TEX11: variants seen among roughly 807,000 people sequenced by gnomAD.
The protein encoded by TEX11 is testis expressed 11.
Under a neutral mutation model 84.4 loss-of-function variants are expected in TEX11, and 7 were observed. The ratio of observed to expected loss-of-function variants is 0.08; its 90% CI spans 0.05 to 0.16. The LOEUF (loss-of-function observed/expected upper bound fraction) is 0.16. Ranked by LOEUF, TEX11 falls within the 10% of genes least tolerant of loss-of-function variation. The pLI is 1.00. For synonymous variants in TEX11, 264 were observed against 222.8 expected (o/e 1.18, Z -1.64); for missense variants, 551 against 660.5 (o/e 0.83, Z 1.82).
intron 16 of TEX11, among the ~76,000 whole-genome samples, chrX:70,662,734 T>TA (rs2089941487): frequency 9.0e-6 from 1 of 110,906 alleles, no homozygotes; most frequent in South Asian, 3.8e-4. Flanking sequence ...GAAGCCAGAT[T>TA]TAAAAAAAAG....
chrX:70,775,034 A>C (rs1187283818), intron 9 of TEX11, among the ~76,000 whole-genome samples: 2 of 112,006 alleles, frequency 1.8e-5, no homozygotes, highest in East Asian at 5.6e-4. Context: ...CAGATAATCC[A>C]GAAATAACTC....
At chrX:70,648,391 C>T (rs995638175) in intron 17 of TEX11, among the ~76,000 whole-genome samples, 15 of 109,671 alleles carry the variant, frequency 1.4e-4, no homozygotes, top group African/African-American at 4.0e-4. Flanking sequence ...TGCACATGTA[C>T]CCTGAAACTT....
At chrX:70,713,195 G>A (rs779128260) in intron 13 of TEX11, among the ~76,000 whole-genome samples, 171 of 111,927 alleles carry the variant, frequency 1.5e-3, no homozygotes, top group African/African-American at 5.4e-3. Context: ...CGGTTTGCCA[G>A]TATTTTATTG....
At chrX:70,800,837 C>T (rs1195683800) in intron 9 of TEX11, among the ~76,000 whole-genome samples, 1 of 109,628 alleles carries the variant, frequency 9.1e-6, no homozygotes. Context: ...GGACTACAGG[C>T]GCATGCCACC....
At chrX:70,817,182 T>TATAG (rs1473753294) in intron 8 of TEX11, among the ~76,000 whole-genome samples, 1 of 106,969 alleles carries the variant, frequency 9.3e-6, no homozygotes, top group Non-Finnish European at 1.9e-5. Context: ...GTGTATATAA[T>TATAG]ATAGATATAT....
chrX:70,737,037 T>A (rs1206308534), intron 11 of TEX11, among the ~76,000 whole-genome samples: 1 of 111,244 alleles, frequency 9.0e-6, no homozygotes, highest in Non-Finnish European at 1.9e-5. Flanking sequence ...GGGGAGATAA[T>A]AGATGGAAAC....
chrX:70,766,890 G>C (rs1421456019), intron 9 of TEX11, among the ~76,000 whole-genome samples: 1 of 111,898 alleles, frequency 8.9e-6, no homozygotes, highest in East Asian at 2.8e-4. Context: ...GAGTCTTGAA[G>C]AAATGGTGCT....
At chrX:70,811,856 C>A (rs1460492650) in intron 8 of TEX11, among the ~76,000 whole-genome samples, 2 of 111,509 alleles carry the variant, frequency 1.8e-5, no homozygotes, top group Non-Finnish European at 3.8e-5. Context: ...ATCCTTTGCC[C>A]ACTTGTTGAT....
intron 9 of TEX11, among the ~76,000 whole-genome samples, chrX:70,792,583 T>C (rs2091131194): frequency 9.4e-6 from 1 of 106,504 alleles, no homozygotes; most frequent in Admixed American, 1.0e-4. Context: ...TAAAACTGTA[T>C]ACAAAAGATC....
intron 9 of TEX11, among the ~76,000 whole-genome samples, chrX:70,779,560 C>T (rs2091024390): frequency 9.2e-6 from 1 of 108,950 alleles, no homozygotes; most frequent in Non-Finnish European, 1.9e-5. Context: ...AAGATCAGAG[C>T]AGAAATGAAT....
intron 13 of TEX11, among the ~76,000 whole-genome samples, chrX:70,696,461 C>T (rs763689975): frequency 8.9e-6 from 1 of 111,887 alleles, no homozygotes; most frequent in African/African-American, 3.2e-5. Flanking sequence ...AACATTGCCA[C>T]AAACTTAGTG....
chrX:70,835,477 T>G (rs760513484), intron 7 of TEX11, among the ~76,000 whole-genome samples: 1 of 112,392 alleles, frequency 8.9e-6, no homozygotes, highest in East Asian at 2.8e-4. Context: ...AGTAACCTTT[T>G]GTGAGCATCA....
intron 4 of TEX11, among the ~76,000 whole-genome samples, chrX:70,861,991 T>C (rs763189567): frequency 2.8e-4 from 31 of 109,595 alleles, no homozygotes; most frequent in African/African-American, 9.6e-4. Flanking sequence ...AATATATATA[T>C]ATTTTTTTCT....
chrX:70,799,620 CT>C (rs1214969376), intron 9 of TEX11, among the ~76,000 whole-genome samples: 8 of 112,361 alleles, frequency 7.1e-5, no homozygotes, highest in Non-Finnish European at 1.9e-5. Context: ...ACCACTTCCA[CT>C]TCTTGGTAGC....
chrX:70,727,993 C>G (rs2090612590), intron 11 of TEX11, among the ~76,000 whole-genome samples: 1 of 112,725 alleles, frequency 8.9e-6, no homozygotes, highest in Non-Finnish European at 1.9e-5. Flanking sequence ...TACATTTGAA[C>G]TTCACTTAAA....
At chrX:70,667,249 G>C (rs2089983844) in intron 16 of TEX11, among the ~76,000 whole-genome samples, 1 of 111,916 alleles carries the variant, frequency 8.9e-6, no homozygotes, top group African/African-American at 3.3e-5. Flanking sequence ...ATTAGTTTCA[G>C]CACAGACTGT....
chrX:70,527,965 A>T (rs2087838645), downstream of TEX11, among the ~76,000 whole-genome samples: 2 of 112,265 alleles, frequency 1.8e-5, no homozygotes. Flanking sequence ...TGGAGGAAAA[A>T]GGTAGTGTAA....
rs1485537363 is a variant in TEX11, at chrX:70,853,136, G to A, written c.423C>T (p.Tyr141=). The change falls in exon 7 of 30, where the codon TAC becomes TAT. Residue 141 remains tyrosine, a synonymous_variant. Transcript: ENST00000374333. ...GGGAGCTCCTTTGAATTAATTTGAC[G>A]TATAATTGCTCCAGACTCTGGAAAA... ...QAAVASLEQL[Y]VKLIQRSSPE... 8.3e-6 allele frequency: 10 copies of A among 1,207,783 alleles called. No individual in the cohort carries two copies. The highest frequency in any genetic ancestry group is 4.4e-5 in the Admixed American group (2 of 45,458).
intron 15 of TEX11, among the ~76,000 whole-genome samples, chrX:70,671,910 T>TATATAC (rs57166359): frequency 0.042 from 2,837 of 67,543 alleles, 100 homozygotes; most frequent in East Asian, 0.11. Context: ...TATATATATA[T>TATATAC]ACACACACAC....
Sources: gnomAD v4.1 joint callset for allele counts (sites outside exome capture counted in the v4.1 genomes callset) on GRCh38, gnomAD v4.1.1 for gene constraint, MANE v1.5 for transcripts, NCBI Gene and HGNC (gene_info 2026-07-23, HGNC 2026-07-21) for gene names.